Variants in SCLT1 observed in about 807,000 individuals in gnomAD.
SCLT1 encodes sodium channel and clathrin linker 1, also known as sodium channel-associated protein 1.
In SCLT1, 78 loss-of-function variants were observed where a neutral mutation model predicts 112.8. The ratio of observed to expected loss-of-function variants is 0.69; its 90% CI spans 0.58 to 0.83. The LOEUF (loss-of-function observed/expected upper bound fraction) is 0.83, where lower values mean the gene tolerates loss of function less well. Ranked by LOEUF, SCLT1 falls within the 40% of genes least tolerant of loss-of-function variation. The pLI is 0.00. For synonymous variants in SCLT1, 257 were observed against 254.7 expected, an observed-to-expected ratio of 1.01 and a Z score of -0.09; for missense variants, 747 against 770.4, an observed-to-expected ratio of 0.97 and a Z score of 0.36.
chr4:128,999,280 T>C (rs1743257180), intron 7 of SCLT1, among the ~76,000 whole-genome samples: 2 of 152,040 alleles, frequency 1.3e-5, no homozygotes, highest in African/African-American at 4.8e-5. Flanking sequence ...TTACATAGTG[T>C]TTCCACTGTA....
intron 18 of SCLT1, among the ~76,000 whole-genome samples, chr4:128,892,592 G>A (rs981648061): frequency 1.3e-5 from 2 of 152,142 alleles, no homozygotes; most frequent in African/African-American, 4.8e-5. Context: ...TGAGTGAATA[G>A]TTGCTAAAAA....
chr4:128,921,760 C>T (rs961072764), intron 18 of SCLT1, among the ~76,000 whole-genome samples: 7 of 152,180 alleles, frequency 4.6e-5, no homozygotes, highest in South Asian at 4.1e-4. Context: ...ATGAAGACTC[C>T]AAGACCAATT....
intron 18 of SCLT1, among the ~76,000 whole-genome samples, chr4:128,914,901 T>C (rs751191131): frequency 3.3e-5 from 5 of 152,254 alleles, no homozygotes; most frequent in African/African-American, 4.8e-5. Context: ...AGTAGCAAGA[T>C]TGATGAGGTT....
intron 5 of SCLT1, among the ~76,000 whole-genome samples, chr4:129,014,685 C>T (rs183424012): frequency 2.5e-4 from 38 of 152,338 alleles, no homozygotes; most frequent in Non-Finnish European, 4.1e-4. Context: ...CACTGTGCTG[C>T]GAGCACCAGG....
At chr4:128,894,157 A>T (rs1288652583) in intron 18 of SCLT1, among the ~76,000 whole-genome samples, 1 of 151,596 alleles carries the variant, frequency 6.6e-6, no homozygotes, top group Non-Finnish European at 1.5e-5. Context: ...GCCCAGGTTG[A>T]TCTAGAACTC....
At chr4:128,908,916 T>C (rs1239715066) in intron 18 of SCLT1, among the ~76,000 whole-genome samples, 3 of 152,154 alleles carry the variant, frequency 2.0e-5, no homozygotes, top group Non-Finnish European at 4.4e-5. Flanking sequence ...ACGTAAGCAA[T>C]AATAAACCTT....
At chr4:129,020,167 T>C (rs1027001609) in intron 5 of SCLT1, among the ~76,000 whole-genome samples, 4 of 152,202 alleles carry the variant, frequency 2.6e-5, no homozygotes, top group Admixed American at 2.0e-4. Context: ...CTTATCCTAC[T>C]TTCTGAAAAT....
chr4:129,076,497 G>T (rs981137267), intron 2 of SCLT1, among the ~76,000 whole-genome samples: 2 of 152,070 alleles, frequency 1.3e-5, no homozygotes, highest in Admixed American at 1.3e-4. Flanking sequence ...CAAGCTAGAA[G>T]AAGAAAATAT....
At chr4:128,973,858 C>T (rs1740919421) in intron 9 of SCLT1, among the ~76,000 whole-genome samples, 1 of 151,516 alleles carries the variant, frequency 6.6e-6, no homozygotes, top group African/African-American at 2.4e-5. Flanking sequence ...TTGTTTATTC[C>T]CACACTGTTC....
intron 15 of SCLT1, among the ~76,000 whole-genome samples, chr4:128,948,087 GAA>G (rs961949666): frequency 2.0e-4 from 31 of 152,174 alleles, no homozygotes; most frequent in Admixed American, 9.8e-4. Flanking sequence ...ATATATTTAA[GAA>G]AAGTGTGAGG....
At chr4:129,025,088 G>A (rs554916084) in intron 5 of SCLT1, among the ~76,000 whole-genome samples, 1 of 152,330 alleles carries the variant, frequency 6.6e-6, no homozygotes, top group South Asian at 2.1e-4. Flanking sequence ...GTACCTGAAA[G>A]TGACGGGGAG....
At chr4:129,069,150 AGTACCATGCT>A (rs1750758451) in intron 2 of SCLT1, among the ~76,000 whole-genome samples, 1 of 152,188 alleles carries the variant, frequency 6.6e-6, no homozygotes, top group Non-Finnish European at 1.5e-5. Context: ...TTTTTATACC[AGTACCATGCT>A]GTTTTGGTAG....
chr4:129,058,142 T>C (rs1352551171), intron 2 of SCLT1, among the ~76,000 whole-genome samples: 2 of 152,198 alleles, frequency 1.3e-5, no homozygotes, highest in African/African-American at 4.8e-5. Context: ...TATTTTGCCA[T>C]GGTTTGTTGT....
intron 11 of SCLT1, 54 bp from the exon 12 acceptor site, chr4:128,959,831 G>C (rs970084608): frequency 2.3e-6 from 3 of 1,321,418 alleles, no homozygotes; most frequent in Non-Finnish European, 3.2e-6. Context: ...GGGAAGGAGG[G>C]AGATTTACTG....
In SCLT1 at chr4:129,093,219, C is replaced by A. The variant is rs1753015050; in HGVS notation, c.-116G>T. 1.1e-6 allele frequency: 1 copy of A among 936,076 alleles called. No individual in the cohort carries two copies. 58.0% of individuals were successfully genotyped at this position (936,076 alleles called of 1,614,324 possible). On this transcript the variant is annotated 5_prime_UTR_variant, in exon 1 of 21. Transcript: ENST00000281142. The stretch of plus-strand genomic sequence containing the variant: ...ACGCTCGGTTGGTTGTCAAGCGCTC[C>A]AGCGGTGCAATCTGCATCCTACTCA...
chr4:128,960,067 T>C (rs1334719619), intron 11 of SCLT1, among the ~76,000 whole-genome samples: 1 of 152,202 alleles, frequency 6.6e-6, no homozygotes, highest in Non-Finnish European at 1.5e-5. Flanking sequence ...AATTATGTTA[T>C]ACTTGTTATG....
intron 2 of SCLT1, among the ~76,000 whole-genome samples, chr4:129,045,159 T>A (rs1182738405): frequency 1.3e-5 from 2 of 152,008 alleles, no homozygotes; most frequent in African/African-American, 4.8e-5. Context: ...AGAAAATGCA[T>A]TATTGACCTT....
At chr4:128,983,210 T>A (rs1477406710) in intron 9 of SCLT1, among the ~76,000 whole-genome samples, 2 of 152,160 alleles carry the variant, frequency 1.3e-5, no homozygotes, top group Non-Finnish European at 2.9e-5. Flanking sequence ...TTATAGTACA[T>A]CCTTTTAAAA....
chr4:128,888,779 T>G lies in SCLT1; in HGVS notation c.1909-5A>C. 6.4e-7 allele frequency: 1 copy of G among 1,556,992 alleles called. No individual in the cohort carries two copies. Among genetic ancestry groups the G allele is most frequent in the South Asian group, 1.1e-5 (1 of 88,516 alleles). ...CTCTAGAATTAGCTTTTCATTCTAT[T>G]AAGGGGAAATAGAAAACAAGTTAGA... On this transcript the variant is annotated splice_polypyrimidine_tract_variant and splice_region_variant and intron_variant, in intron 19 of 20. Transcript: ENST00000281142.
Sources: gnomAD v4.1 joint callset for allele counts (sites outside exome capture counted in the v4.1 genomes callset) on GRCh38, gnomAD v4.1.1 for gene constraint, MANE v1.5 for transcripts, NCBI Gene and HGNC (gene_info 2026-07-23, HGNC 2026-07-21) for gene names.